The following CPNE8 variants were observed in gnomAD, a reference collection of about 807,000 sequenced individuals.
CPNE8 encodes the protein copine-8.
Under a neutral mutation model 81.5 loss-of-function variants are expected in CPNE8, and 45 were observed. The ratio of observed to expected loss-of-function variants is 0.55; its 90% CI spans 0.44 to 0.71. The LOEUF is 0.71. CPNE8 is among the 30% of genes least tolerant of loss of function. The pLI is 0.00. For synonymous variants in CPNE8, 252 were observed against 226.3 expected (o/e 1.11, Z -1.02); for missense variants, 594 against 672.1 (o/e 0.88, Z 1.28).
chr12:38,702,748 T>C, intron 14 of CPNE8, 127 bp downstream of exon 14: 1 of 507,342 alleles, frequency 2.0e-6, no homozygotes, highest in South Asian at 5.2e-5. Flanking sequence ...GAAAAAATTA[T>C]GTAAATTTTA....
chr12:38,701,031 T>G (rs542660355), intron 14 of CPNE8, among the ~76,000 whole-genome samples: 1 of 152,188 alleles, frequency 6.6e-6, no homozygotes, highest in African/African-American at 2.4e-5. Flanking sequence ...AGGTAGGTTA[T>G]GTTATTTGAT....
At chr12:38,873,424 A>G (rs929316511) in intron 2 of CPNE8, among the ~76,000 whole-genome samples, 1 of 152,208 alleles carries the variant, frequency 6.6e-6, no homozygotes, top group Non-Finnish European at 1.5e-5. Context: ...GCTCAAAGGT[A>G]TAATAGGAAC....
chr12:38,877,096 ATTCTTCTG>A (rs1187304699), intron 1 of CPNE8, among the ~76,000 whole-genome samples: 1 of 152,198 alleles, frequency 6.6e-6, no homozygotes, highest in African/African-American at 2.4e-5. Context: ...TCTGAATCTG[ATTCTTCTG>A]TTCTTTACAA....
chr12:38,835,162 A>C (rs1943359784), intron 5 of CPNE8, among the ~76,000 whole-genome samples: 1 of 152,070 alleles, frequency 6.6e-6, no homozygotes, highest in South Asian at 2.1e-4. Flanking sequence ...TGGGATTACA[A>C]GCATGAGCCA....
At chr12:38,859,703 T>C (rs2137077693) in intron 3 of CPNE8, among the ~76,000 whole-genome samples, 1 of 152,226 alleles carries the variant, frequency 6.6e-6, no homozygotes, top group South Asian at 2.1e-4. Flanking sequence ...TAAAATACCA[T>C]AGTACTGATA....
At chr12:38,870,537 C>A (rs1943976528) in intron 3 of CPNE8, among the ~76,000 whole-genome samples, 1 of 152,138 alleles carries the variant, frequency 6.6e-6, no homozygotes, top group Non-Finnish European at 1.5e-5. Flanking sequence ...CAAACTAACA[C>A]AGGAACAGAA....
chr12:38,874,440 AT>A (rs759965485), intron 2 of CPNE8, 30 bp downstream of exon 2: 3 of 1,554,194 alleles, frequency 1.9e-6, no homozygotes, highest in Non-Finnish European at 2.7e-6. Context: ...AAATCAAATG[AT>A]TTTTCAAAAG....
chr12:38,682,105 A>T (rs1461833562), intron 16 of CPNE8, among the ~76,000 whole-genome samples: 4 of 152,158 alleles, frequency 2.6e-5, no homozygotes, highest in African/African-American at 9.6e-5. Context: ...CAGTATTCCC[A>T]GCTACTCGGG....
intron 5 of CPNE8, among the ~76,000 whole-genome samples, chr12:38,832,088 G>C (rs1014570095): frequency 6.6e-6 from 1 of 152,174 alleles, no homozygotes; most frequent in Non-Finnish European, 1.5e-5. Flanking sequence ...GCTATGACGT[G>C]AATCTGTGTA....
chr12:38,806,313 A>G lies in CPNE8; in HGVS notation c.407+23066T>C, dbSNP rs566913184. ...GAGACACACCAAAAAAGATAATTTT[A>G]GACCAATATCCTTGATGAACATTGA... On this transcript the variant is annotated intron_variant, in intron 6 of 19. Transcript: ENST00000331366. Among the ~76,000 whole-genome samples, 4 of 150,238 alleles carry G rather than the reference A, an allele frequency of 2.7e-5. No homozygotes were observed. The South Asian group carries it at 8.6e-4, about 32-fold the overall frequency.
intron 1 of CPNE8, among the ~76,000 whole-genome samples, chr12:38,878,133 T>C (rs1455630671): frequency 6.6e-6 from 1 of 152,174 alleles, no homozygotes; most frequent in Non-Finnish European, 1.5e-5. Flanking sequence ...ACCCCGTGGA[T>C]ATAATCAAGA....
chr12:38,751,439 T>C (rs1941351881), intron 10 of CPNE8, among the ~76,000 whole-genome samples: 1 of 152,212 alleles, frequency 6.6e-6, no homozygotes, highest in Non-Finnish European at 1.5e-5. Context: ...ACTATATATG[T>C]TGCAATTTAT....
chr12:38,880,920 G>GA (rs987350390), intron 1 of CPNE8, among the ~76,000 whole-genome samples: 68 of 151,598 alleles, frequency 4.5e-4, no homozygotes, highest in African/African-American at 1.4e-3. Context: ...GTTTAGAAAT[G>GA]AAAAAAAAGG....
intron 1 of CPNE8, among the ~76,000 whole-genome samples, chr12:38,876,682 A>G (rs1944071499): frequency 6.6e-6 from 1 of 152,220 alleles, no homozygotes; most frequent in African/African-American, 2.4e-5. Flanking sequence ...GAAATTTGCA[A>G]TTTAACTTTC....
At position 38,822,657 on chromosome 12, in the gene CPNE8, T is replaced by C. The variant is rs537114051; in HGVS notation, c.407+6722A>G. 2.6e-5 allele frequency among the ~76,000 whole-genome samples: 4 copies of C among 152,270 alleles called. No homozygotes were observed. The East Asian group carries it at 7.7e-4, about 29-fold the overall frequency. ...CTCAAATTACATACCTAATCAATTG[T>C]AACACCCAGGTCTGACTGCTCCCAA... is the stretch of plus-strand genomic sequence containing the variant. On this transcript the variant is annotated intron_variant, in intron 6 of 19. Transcript: ENST00000331366.
In CPNE8 at chr12:38,653,785, A is replaced by G. The variant is rs188133243; in HGVS notation, c.*97T>C. ...ATTAACTGCTGAAACCAAACTGAGAAAACTATCTCATTGCCTGGTTCATTA... is the reference window on the plus strand; with the variant it reads ...ATTAACTGCTGAAACCAAACTGAGAGAACTATCTCATTGCCTGGTTCATTA... On this transcript the variant is annotated 3_prime_UTR_variant, in exon 20 of 20. Transcript: ENST00000331366. The G allele has an allele frequency of 1.9e-5, 27 of 1,446,746 alleles. No homozygotes were observed. Among genetic ancestry groups the G allele is most frequent in the Non-Finnish European group, 2.4e-5 (27 of 1,102,352 alleles). 89.6% of individuals were successfully genotyped at this position (1,446,746 alleles called of 1,614,324 possible).
At chr12:38,702,792 ATAAAT>A (rs1939979342) in intron 14 of CPNE8, 78 bp downstream of exon 14, 2 of 802,144 alleles carry the variant, frequency 2.5e-6, no homozygotes, top group Non-Finnish European at 1.9e-6. Context: ...AAATATAGAA[ATAAAT>A]TAACACTTAT....
At chr12:38,753,160 T>C (rs973570665) in intron 10 of CPNE8, among the ~76,000 whole-genome samples, 2 of 152,024 alleles carry the variant, frequency 1.3e-5, no homozygotes, top group Non-Finnish European at 2.9e-5. Flanking sequence ...TATAGAAAAA[T>C]ATCAGAGCTG....
chr12:38,663,825 C>G (rs1939008587), intron 19 of CPNE8, among the ~76,000 whole-genome samples: 1 of 152,092 alleles, frequency 6.6e-6, no homozygotes, highest in Non-Finnish European at 1.5e-5. Context: ...CTTGCGGCAG[C>G]ATGGATGAGC....
Sources: gnomAD v4.1 joint callset for allele counts (sites outside exome capture counted in the v4.1 genomes callset) on GRCh38, gnomAD v4.1.1 for gene constraint, MANE v1.5 for transcripts, NCBI Gene and HGNC (gene_info 2026-07-23, HGNC 2026-07-21) for gene names.